The following GIGYF2 variants were observed in gnomAD, a reference collection of about 807,000 sequenced individuals.
The protein encoded by GIGYF2 is GRB10 interacting GYF protein 2, also known as GRB10-interacting GYF protein 2.
A neutral mutation model predicts 208.1 loss-of-function variants in GIGYF2; 25 were observed. The observed-to-expected ratio is 0.12, with a 90% CI of 0.09 to 0.17. The LOEUF (loss-of-function observed/expected upper bound fraction) is 0.17, where lower values mean the gene tolerates loss of function less well. Ranked by LOEUF, GIGYF2 falls within the 10% of genes least tolerant of loss-of-function variation. GIGYF2 has a pLI of 1.00. For missense variants in GIGYF2, 1,302 were observed against 1,579.4 expected (o/e 0.82, Z 2.98); for synonymous variants, 534 against 543.8 (o/e 0.98, Z 0.25).
At chr2:232,735,858 A>G in intron 3 of GIGYF2, 3 of 984,740 alleles carry the variant, frequency 3.0e-6, no homozygotes, top group Non-Finnish European at 3.6e-6. Context: ...CTTTTTCCCC[A>G]AAGTTGGTGA....
Position 232,756,197 on chromosome 2 carries a change from C to CTTT in GIGYF2, c.268-8_268-6dup, listed in dbSNP as rs759525243. 5,277 of 705,730 alleles carry CTTT rather than the reference C, an allele frequency of 7.5e-3. 9 individuals carry two copies. The highest frequency in any genetic ancestry group is 0.02 in the South Asian group (1,025 of 50,364). The allele number at this position is 705,730 out of a possible 1,614,324, so 43.7% of individuals were successfully genotyped here. A position where few individuals can be genotyped will look rare whatever the true frequency, so the allele number is the denominator to read the frequency against. ...TTTTCTTTCTTTTTTTCCTTTTTCT[C>CTTT]TTTTTTTTTTTTTTTTTTTTGGCAG... On this transcript the variant is annotated intron_variant, in intron 5 of 28. Transcript: ENST00000373563.
At chr2:232,797,981 C>CAA (rs57991158) in intron 14 of GIGYF2, among the ~76,000 whole-genome samples, 1,738 of 102,166 alleles carry the variant, frequency 0.017, 101 homozygotes, top group African/African-American at 0.061. Flanking sequence ...ACTGTGCCTC[C>CAA]AAAAAAAAAA....
At chr2:232,724,207 A>ATTTTTTTTTTTTTTTTTTTTT (rs1163865821) in intron 2 of GIGYF2, among the ~76,000 whole-genome samples, 3 of 114,228 alleles carry the variant, frequency 2.6e-5, no homozygotes, top group African/African-American at 3.6e-5. Flanking sequence ...ACACCTGGCT[A>ATTTTTTTTTTTTTTTTTTTTT]TTTTTTTTTT....
intron 24 of GIGYF2, 56 bp downstream of exon 24, chr2:232,844,311 G>A: frequency 2.5e-6 from 4 of 1,612,576 alleles, no homozygotes; most frequent in African/African-American, 2.7e-5. Context: ...TTTTCTGACT[G>A]TCTTCTTATC....
chr2:232,859,152 A>G lies in GIGYF2; in HGVS notation c.*2292A>G, dbSNP rs896558680. 6.6e-6 allele frequency: 1 copy of G among 151,312 alleles called. No individual in the cohort carries two copies. Among genetic ancestry groups the G allele is most frequent in the Non-Finnish European group, 1.5e-5 (1 of 67,878 alleles). The allele number at this position is 151,312 out of a possible 1,614,324, so 9.4% of individuals were successfully genotyped here. A position where few individuals can be genotyped will look rare whatever the true frequency, so the allele number is the denominator to read the frequency against. On this transcript the variant is annotated 3_prime_UTR_variant, in exon 29 of 29. Transcript: ENST00000373563. ...GTTTGTTTCTGTCTCTCTCAATGCT[A>G]CTCTCTTTCATATTCTCATTTGCTC...
chr2:232,822,552 G>A (rs1346797778), intron 21 of GIGYF2, among the ~76,000 whole-genome samples: 2 of 152,158 alleles, frequency 1.3e-5, no homozygotes, highest in Non-Finnish European at 2.9e-5. Context: ...GTGGTGGCGT[G>A]CGCCTGTAAT....
intron 8 of GIGYF2, among the ~76,000 whole-genome samples, chr2:232,763,669 AC>A (rs1489951246): frequency 6.6e-6 from 1 of 151,982 alleles, no homozygotes; most frequent in African/African-American, 2.4e-5. Context: ...TACTAAAAAT[AC>A]AAAAAAAAAT....
intron 8 of GIGYF2, among the ~76,000 whole-genome samples, chr2:232,770,359 T>C (rs542981455): frequency 3.9e-5 from 6 of 152,344 alleles, no homozygotes; most frequent in African/African-American, 1.2e-4. Context: ...TCCAGTGCAT[T>C]TTGCTAAGAA....
chr2:232,785,089 CTTT>C (rs578157035), intron 8 of GIGYF2, among the ~76,000 whole-genome samples: 4 of 134,614 alleles, frequency 3.0e-5, no homozygotes, highest in Non-Finnish European at 6.3e-5. Flanking sequence ...ACTTCTTCTT[CTTT>C]TTTTTTTTTT....
intron 8 of GIGYF2, chr2:232,770,924 T>C: frequency 6.2e-7 from 1 of 1,612,900 alleles, no homozygotes; most frequent in Non-Finnish European, 8.5e-7. Context: ...GCCTCTAGCA[T>C]GAGGCCTAGG....
intron 23 of GIGYF2, chr2:232,843,181 G>GTGTGTA (rs1553538114): frequency 6.8e-6 from 1 of 146,390 alleles, no homozygotes; most frequent in African/African-American, 2.5e-5. Flanking sequence ...GTGTGTGTGT[G>GTGTGTA]TATAATCTGT....
At chr2:232,706,323 A>G (rs6747645) in intron 2 of GIGYF2, among the ~76,000 whole-genome samples, 57,093 of 152,072 alleles carry the variant, frequency 0.38, 11,072 homozygotes, top group South Asian at 0.63. Context: ...TGTGAGGTTT[A>G]AAAGGATTTC....
intron 4 of GIGYF2, among the ~76,000 whole-genome samples, chr2:232,748,305 CAG>C (rs1308866513): frequency 6.6e-6 from 1 of 151,722 alleles, no homozygotes; most frequent in African/African-American, 2.4e-5. Context: ...TTTTTTGAGA[CAG>C]AGTCTGGCTC....
chr2:232,770,551 T>G (rs1018001068), intron 8 of GIGYF2, among the ~76,000 whole-genome samples: 28 of 152,170 alleles, frequency 1.8e-4, no homozygotes, highest in African/African-American at 6.5e-4. Flanking sequence ...TGTATTTATT[T>G]ATGTATTTGA....
At position 232,806,753 on chromosome 2, in the gene GIGYF2, A is replaced by G. The variant is rs1209648199; in HGVS notation, c.1806+96A>G. ...CCCAAATATATCATCTAATGAAGGA[A>G]TTGTAGTTCTTTGAAATTAATGGAA... On this transcript the variant is annotated intron_variant, in intron 15 of 28. Transcript: ENST00000373563. The surrounding 1 kb of genome is among the most constrained non-coding windows in gnomAD (Gnocchi z 4.0). 1.1e-6 allele frequency: 1 copy of G among 886,864 alleles called. No homozygotes were observed. The highest frequency in any genetic ancestry group is 1.9e-6 in the Non-Finnish European group (1 of 523,062). The allele number at this position is 886,864 out of a possible 1,614,324, so 54.9% of individuals were successfully genotyped here.
At chr2:232,722,591 G>A (rs1383466221) in intron 2 of GIGYF2, 1 of 152,116 alleles carries the variant, frequency 6.6e-6, no homozygotes, top group Non-Finnish European at 1.5e-5. Context: ...GTCCTGAATT[G>A]GAGACTGGCA....
chr2:232,768,733 T>C lies in GIGYF2; in HGVS notation c.532+7297T>C, dbSNP rs1280781998. ...AAGATAAGATTAGGTTTGCCATCCATGTGAGCTACTACTGCTGTGTCAGTA... is the reference window on the plus strand; with the variant it reads ...AAGATAAGATTAGGTTTGCCATCCACGTGAGCTACTACTGCTGTGTCAGTA... On this transcript the variant is annotated intron_variant, in intron 8 of 28. Coordinates refer to ENST00000373563, the MANE Select transcript of GIGYF2 (RefSeq NM_001103146.3). The C allele has an allele frequency of 5.6e-6, 9 of 1,602,110 alleles. No homozygotes were observed. The East Asian group carries it at 1.8e-4, about 32-fold the overall frequency.
At position 232,768,578 on chromosome 2, in the gene GIGYF2, G is replaced by A. The variant is rs374463684; in HGVS notation, c.532+7142G>A. ...GTGGAAAGATGAAGAATGGACATTC[G>A]TCAGAACTGATGCCATCAAGGTGGA... On this transcript the variant is annotated intron_variant, in intron 8 of 28. Transcript: ENST00000373563. 1.1e-5 allele frequency: 17 copies of A among 1,614,008 alleles called. No individual in the cohort carries two copies. Among genetic ancestry groups the A allele is most frequent in the East Asian group, 2.2e-5 (1 of 44,890 alleles).
intron 15 of GIGYF2, among the ~76,000 whole-genome samples, chr2:232,808,310 T>C (rs1418666751): frequency 6.6e-6 from 1 of 152,226 alleles, no homozygotes; most frequent in East Asian, 1.9e-4. Flanking sequence ...ATCTTACACA[T>C]CTCAGAAGCT....
Sources: gnomAD v4.1 joint callset for allele counts (sites outside exome capture counted in the v4.1 genomes callset) on GRCh38, gnomAD v4.1.1 for gene constraint, Gnocchi (gnomAD v3.1) non-coding constraint, MANE v1.5 for transcripts, NCBI Gene and HGNC (gene_info 2026-07-23, HGNC 2026-07-21) for gene names.